The following BARD1 variants were observed in gnomAD, a reference collection of about 807,000 sequenced individuals.
BARD1 encodes the protein BRCA1 associated RING domain 1, also known as BRCA1-associated RING domain protein 1.
Under a neutral mutation model 77.0 loss-of-function variants are expected in BARD1, and 73 were observed. That is an observed-to-expected ratio of 0.95 (90% CI 0.79 to 1.15). The LOEUF is 1.15. BARD1 is among the 50% of genes most tolerant of loss of function. The probability of loss-of-function intolerance (pLI) is 0.00; values close to 1 mark genes in which losing one functional copy is unlikely to be tolerated. For synonymous variants in BARD1, 384 were observed against 338.0 expected (o/e 1.14, Z -1.49); for missense variants, 993 against 938.8 (o/e 1.06, Z -0.75).
intron 6 of BARD1, among the ~76,000 whole-genome samples, chr2:214,763,194 G>A (rs755938720): frequency 5.3e-5 from 8 of 152,024 alleles, no homozygotes; most frequent in Admixed American, 1.3e-4. Flanking sequence ...CCATCCTCCC[G>A]TTCTATTTTT....
intron 3 of BARD1, among the ~76,000 whole-genome samples, chr2:214,783,092 C>A (rs941552560): frequency 3.3e-5 from 5 of 152,166 alleles, no homozygotes; most frequent in Admixed American, 1.3e-4. Context: ...AAAATACCCA[C>A]ACACTCAATT....
chr2:214,785,382 G>A (rs1372609193), intron 3 of BARD1, among the ~76,000 whole-genome samples: 2 of 151,896 alleles, frequency 1.3e-5, no homozygotes, highest in South Asian at 4.1e-4. Context: ...AAAAAAAATT[G>A]CCTTAAAATT....
chr2:214,793,192 C>A (rs571350856), intron 2 of BARD1, among the ~76,000 whole-genome samples: 188 of 152,256 alleles, frequency 1.2e-3, no homozygotes, highest in African/African-American at 4.3e-3. Context: ...TCCCCAAGCA[C>A]CACAGGACAT....
At position 214,727,857 on chromosome 2, in the gene BARD1, G is replaced by C. The variant is rs75314738; in HGVS notation, c.*819C>G. On this transcript the variant is annotated 3_prime_UTR_variant, in exon 11 of 11. Coordinates refer to ENST00000260947, the MANE Select transcript of BARD1 (RefSeq NM_000465.4). ...CTGCTTCTTAATTTAAAGTAATGAC[G>C]TTGGACTGACAATTTGCTAGACTGG... 102 of 220,326 alleles carry C rather than the reference G, an allele frequency of 4.6e-4. 1 individual carries two copies. The highest frequency in any genetic ancestry group is 8.6e-4 in the Non-Finnish European group (95 of 110,038). The allele number at this position is 220,326 out of a possible 1,614,324, so 13.6% of individuals were successfully genotyped here.
chr2:214,747,009 G>GA (rs1693153493), intron 7 of BARD1, among the ~76,000 whole-genome samples: 1 of 151,816 alleles, frequency 6.6e-6, no homozygotes, highest in South Asian at 2.1e-4. Context: ...AAATTTACAA[G>GA]AAAAAAACAA....
intron 7 of BARD1, among the ~76,000 whole-genome samples, chr2:214,747,089 A>G (rs1693158049): frequency 6.6e-6 from 1 of 151,924 alleles, no homozygotes; most frequent in South Asian, 2.1e-4. Flanking sequence ...TATGCAGCCA[A>G]AAAACACATG....
intron 7 of BARD1, among the ~76,000 whole-genome samples, chr2:214,751,143 ATATATATATT>A (rs1693420751): frequency 4.8e-5 from 1 of 21,030 alleles, no homozygotes; most frequent in African/African-American, 1.2e-4. Context: ...ATATATATAT[ATATATATATT>A]TTTTTTTTTT....
chr2:214,731,313 C>T (rs1239769414), intron 9 of BARD1, among the ~76,000 whole-genome samples: 3 of 152,158 alleles, frequency 2.0e-5, no homozygotes, highest in Non-Finnish European at 4.4e-5. Context: ...CCAATTGTCT[C>T]GCTAGGCTCT....
At chr2:214,739,859 CACATT>C (rs1359481341) in intron 9 of BARD1, among the ~76,000 whole-genome samples, 1 of 151,972 alleles carries the variant, frequency 6.6e-6, no homozygotes, top group Admixed American at 6.6e-5. Context: ...TATATTTCTT[CACATT>C]ACAAGATGTG....
At chr2:214,751,151 A>ATTTT (rs60746999) in intron 7 of BARD1, among the ~76,000 whole-genome samples, 8 of 37,190 alleles carry the variant, frequency 2.2e-4, no homozygotes, top group East Asian at 6.6e-4. Flanking sequence ...ATATATATAT[A>ATTTT]TTTTTTTTTT....
At chr2:214,805,179 T>C (rs1696212811) in intron 1 of BARD1, among the ~76,000 whole-genome samples, 1 of 152,046 alleles carries the variant, frequency 6.6e-6, no homozygotes, top group African/African-American at 2.4e-5. Flanking sequence ...GAAAATCTAT[T>C]CATATTTCAA....
intron 4 of BARD1, among the ~76,000 whole-genome samples, chr2:214,769,810 C>A (rs1428940425): frequency 6.6e-6 from 1 of 152,120 alleles, no homozygotes; most frequent in Non-Finnish European, 1.5e-5. Flanking sequence ...TACAGTCATG[C>A]TTGAATATAG....
intron 6 of BARD1, among the ~76,000 whole-genome samples, chr2:214,765,826 C>T (rs1228580375): frequency 6.6e-6 from 1 of 151,998 alleles, no homozygotes; most frequent in Non-Finnish European, 1.5e-5. Flanking sequence ...TATCTTATAA[C>T]CTGTGATGAG....
intron 9 of BARD1, among the ~76,000 whole-genome samples, chr2:214,738,234 A>G (rs763901004): frequency 1.3e-5 from 2 of 152,096 alleles, no homozygotes; most frequent in Non-Finnish European, 2.9e-5. Flanking sequence ...ACAACTAGAG[A>G]TTCTTTTAGC....
In BARD1 at chr2:214,788,522, C is replaced by T. The variant is rs532442713; in HGVS notation, c.364+3775G>A. ...TGATTTGACAAGTTCTTCCTAATTG[C>T]CCACCTTAATTACAGTAATTATATA... On this transcript the variant is annotated intron_variant, in intron 3 of 10. Coordinates refer to ENST00000260947, the MANE Select transcript of BARD1 (RefSeq NM_000465.4). Among the ~76,000 whole-genome samples the T allele has an allele frequency of 1.7e-4, 26 of 152,072 alleles. No homozygotes were observed. In the South Asian group the frequency reaches 5.2e-3, roughly 30 times the overall value.
intron 6 of BARD1, among the ~76,000 whole-genome samples, chr2:214,765,990 G>A (rs148356151): frequency 2.1e-3 from 323 of 152,252 alleles, no homozygotes; most frequent in Middle Eastern, 0.01. Flanking sequence ...ATTTGCATCT[G>A]TTACCATTGA....
intron 7 of BARD1, among the ~76,000 whole-genome samples, chr2:214,750,207 A>G (rs545046553): frequency 3.2e-4 from 49 of 152,186 alleles, no homozygotes; most frequent in Admixed American, 7.9e-4. Flanking sequence ...ACTACCATCT[A>G]TAATTCCAGT....
At chr2:214,798,766 A>G (rs1174863752) in intron 1 of BARD1, among the ~76,000 whole-genome samples, 1 of 49,108 alleles carries the variant, frequency 2.0e-5, no homozygotes, top group Non-Finnish European at 3.7e-5. Context: ...ACCACTATTA[A>G]AAAAAGAAAA....
intron 9 of BARD1, among the ~76,000 whole-genome samples, chr2:214,741,310 C>A (rs1227239072): frequency 6.6e-6 from 1 of 151,932 alleles, no homozygotes; most frequent in East Asian, 1.9e-4. Context: ...CATCTGTTCT[C>A]CCCTTCATAA....
Sources: allele counts gnomAD v4.1 joint callset (sites outside exome capture counted in the v4.1 genomes callset), GRCh38; gene constraint gnomAD v4.1.1; transcripts MANE v1.5; gene names NCBI Gene and HGNC (gene_info 2026-07-23, HGNC 2026-07-21).